Variants in SLC41A1 observed in about 807,000 individuals in gnomAD.
SLC41A1 encodes solute carrier family 41 member 1, also known as solute carrier family 41 (magnesium transporter), member 1.
Under a neutral mutation model 47.3 loss-of-function variants are expected in SLC41A1, and 20 were observed. That is an observed-to-expected ratio of 0.42 (90% CI 0.30 to 0.61). SLC41A1 has a LOEUF of 0.61. Ranked by LOEUF, SLC41A1 falls within the 20% of genes least tolerant of loss-of-function variation. The pLI, the probability that SLC41A1 is intolerant of heterozygous loss-of-function variation, is 0.17. For synonymous variants in SLC41A1, 282 were observed against 272.7 expected, an observed-to-expected ratio of 1.03 and a Z score of -0.34; for missense variants, 504 against 674.1, an observed-to-expected ratio of 0.75 and a Z score of 2.79.
intron 5 of SLC41A1, 53 bp downstream of exon 5, chr1:205,798,904 G>A (rs750730130): frequency 2.0e-4 from 316 of 1,614,020 alleles, no homozygotes; most frequent in Non-Finnish European, 2.5e-4. Flanking sequence ...AGTGCCAGGT[G>A]CAGTGTTCTC....
At position 205,798,828 on chromosome 1, in the gene SLC41A1, T is replaced by C. The variant is rs1332341879; in HGVS notation, c.698-13A>G. The C allele has an allele frequency of 1.2e-6, 2 of 1,613,842 alleles. No homozygotes were observed. Among genetic ancestry groups the C allele is most frequent in the Admixed American group, 1.7e-5 (1 of 59,996 alleles). On this transcript the variant is annotated splice_polypyrimidine_tract_variant and intron_variant, in intron 5 of 10. Transcript: ENST00000367137. ...ATCATGATCATACCTGGTGAGCAAGTGGGAGGAGGGGCAGGCAGGGTGAGA... is the reference window on the plus strand; with the variant it reads ...ATCATGATCATACCTGGTGAGCAAGCGGGAGGAGGGGCAGGCAGGGTGAGA...
intron 2 of SLC41A1, among the ~76,000 whole-genome samples, chr1:205,809,730 AAT>A (rs1183482310): frequency 1.3e-5 from 2 of 152,044 alleles, no homozygotes; most frequent in East Asian, 3.9e-4. Context: ...GACCCTTGTA[AAT>A]GTCTCCTACT....
intron 8 of SLC41A1, 84 bp from the exon 9 acceptor site, chr1:205,795,562 C>T: frequency 6.5e-7 from 1 of 1,532,442 alleles, no homozygotes; most frequent in African/African-American, 1.4e-5. Flanking sequence ...TCTTTGTCTT[C>T]TATCTATAGA....
intron 9 of SLC41A1, 102 bp from the exon 10 acceptor site, chr1:205,795,120 C>A: frequency 1.3e-6 from 2 of 1,507,498 alleles, no homozygotes; most frequent in Non-Finnish European, 1.8e-6. Context: ...CCCAGGGCAA[C>A]AGACAGATGA....
At chr1:205,801,967 T>C (rs1655891642) in intron 2 of SLC41A1, among the ~76,000 whole-genome samples, 1 of 152,212 alleles carries the variant, frequency 6.6e-6, no homozygotes, top group Non-Finnish European at 1.5e-5. Context: ...CACTAGTTAG[T>C]GCTAAGAGGA....
At chr1:205,795,200 T>G in intron 9 of SLC41A1, 144 bp downstream of exon 9, 1 of 1,465,726 alleles carries the variant, frequency 6.8e-7, no homozygotes, top group Middle Eastern at 2.2e-4. Context: ...CCCTCCTGCC[T>G]GGGCTCTGCC....
chr1:205,803,944 G>A (rs372184126), intron 2 of SLC41A1, among the ~76,000 whole-genome samples: 1 of 152,042 alleles, frequency 6.6e-6, no homozygotes, highest in South Asian at 2.1e-4. Context: ...TCATAGAGGC[G>A]GAAAGAAGAA....
At chr1:205,801,145 T>G (rs2102505747) in intron 2 of SLC41A1, 85 bp from the exon 3 acceptor site, 6 of 1,081,314 alleles carry the variant, frequency 5.5e-6, no homozygotes, top group African/African-American at 4.6e-5. Context: ...GATCAGGGGC[T>G]CGAGGAGGAA....
intron 3 of SLC41A1, among the ~76,000 whole-genome samples, chr1:205,800,421 C>T (rs1321540748): frequency 6.6e-6 from 1 of 152,224 alleles, no homozygotes; most frequent in Admixed American, 6.5e-5. Context: ...CTGTTCAGGC[C>T]CGGAATCGTC....
At chr1:205,799,322 G>A (rs1655817810) in intron 4 of SLC41A1, among the ~76,000 whole-genome samples, 1 of 152,250 alleles carries the variant, frequency 6.6e-6, no homozygotes, top group African/African-American at 2.4e-5. Context: ...CCCAGAACAT[G>A]TTACTGGCTG....
intron 2 of SLC41A1, among the ~76,000 whole-genome samples, chr1:205,809,323 C>G (rs1656087136): frequency 6.6e-6 from 1 of 152,220 alleles, no homozygotes; most frequent in Non-Finnish European, 1.5e-5. Flanking sequence ...ATCCTTCATT[C>G]TACCCAATGT....
rs562636256 is a variant in SLC41A1, at chr1:205,789,551, T to G, written c.*1982A>C. 6.6e-6 allele frequency: 1 copy of G among 152,278 alleles called. No individual in the cohort carries two copies. The highest frequency in any genetic ancestry group is 2.4e-5 in the African/African-American group (1 of 41,528). 9.4% of individuals were successfully genotyped at this position (152,278 alleles called of 1,614,324 possible). On this transcript the variant is annotated 3_prime_UTR_variant, in exon 11 of 11. Coordinates refer to ENST00000367137, the MANE Select transcript of SLC41A1 (RefSeq NM_173854.6). ...TGCCTGTACAAGAAGAATCTGTGTG[T>G]AAGTATTTTTTGAGGTGGAGGAAAA... is the stretch of plus-strand genomic sequence containing the variant.
intron 2 of SLC41A1, among the ~76,000 whole-genome samples, chr1:205,802,611 G>A (rs1468774614): frequency 1.3e-5 from 2 of 151,860 alleles, no homozygotes; most frequent in Admixed American, 1.3e-4. Flanking sequence ...CAAGCTACTC[G>A]GGAGGCTGAG....
At chr1:205,799,902 G>T in intron 3 of SLC41A1, 72 bp from the exon 4 acceptor site, 1 of 1,341,208 alleles carries the variant, frequency 7.5e-7, no homozygotes, top group Non-Finnish European at 1.1e-6. Flanking sequence ...TTAGGCTCCT[G>T]CCTAGATCAT....
chr1:205,796,483 T>G, intron 8 of SLC41A1: 1 of 239,572 alleles, frequency 4.2e-6, no homozygotes. Flanking sequence ...TTGCCCATTT[T>G]GCACATGCCC....
At chr1:205,797,071 G>C (rs1048097739) in intron 7 of SLC41A1, 68 bp from the exon 8 acceptor site, 2 of 1,407,996 alleles carry the variant, frequency 1.4e-6, no homozygotes, top group Non-Finnish European at 2.0e-6. Context: ...TCTGGGATGA[G>C]AGGTCCAGGC....
intron 9 of SLC41A1, 54 bp downstream of exon 9, chr1:205,795,290 A>C: frequency 1.2e-6 from 2 of 1,613,506 alleles, no homozygotes; most frequent in Non-Finnish European, 1.7e-6. Context: ...AGTGAAGCTC[A>C]CTGACAGTAG....
At position 205,795,014 on chromosome 1, in the gene SLC41A1, C is replaced by T. The variant is rs1232679920; in HGVS notation, c.1212G>A (p.Val404=). ...AGAGGACCCGGGCTGAGCGAGAATT[C>T]ACATCTGGAATTGGGGAAAAGAGGG... ...SPCTTFFSPD[V]NSRSARVLFL... is the part of the protein sequence containing the mutation. The change falls in exon 10 of 11, where the codon GTG becomes GTA. Residue 404 remains valine (V), a synonymous_variant. Transcript: ENST00000367137. 3 of 1,613,886 alleles carry T rather than the reference C, an allele frequency of 1.9e-6. No homozygotes were observed. Among genetic ancestry groups the T allele is most frequent in the African/African-American group, 2.7e-5 (2 of 75,014 alleles).
intron 1 of SLC41A1, among the ~76,000 whole-genome samples, chr1:205,812,131 T>C (rs1182568771): frequency 6.6e-6 from 1 of 152,230 alleles, no homozygotes; most frequent in Non-Finnish European, 1.5e-5. Context: ...TAATTCCTGA[T>C]GGACTCCCAT....
Sources: allele counts gnomAD v4.1 joint callset (sites outside exome capture counted in the v4.1 genomes callset), GRCh38; gene constraint gnomAD v4.1.1; transcripts MANE v1.5; gene names NCBI Gene and HGNC (gene_info 2026-07-23, HGNC 2026-07-21).